Variants in COL5A3 observed in about 807,000 individuals in gnomAD.
The protein encoded by COL5A3 is collagen type V alpha 3 chain.
A neutral mutation model predicts 250.0 loss-of-function variants in COL5A3; 172 were observed. The ratio of observed to expected loss-of-function variants is 0.69; its 90% CI spans 0.61 to 0.78. The LOEUF is 0.78. COL5A3 is among the 30% of genes least tolerant of loss of function. COL5A3 has a pLI of 0.00. For synonymous variants in COL5A3, 937 were observed against 900.4 expected, an observed-to-expected ratio of 1.04 and a Z score of -0.73; for missense variants, 2,340 against 2,334.4, an observed-to-expected ratio of 1.00 and a Z score of -0.05.
Position 9,960,764 on chromosome 19 carries a change from C to T in COL5A3, c.4978G>A (p.Glu1660Lys). 35 of 1,614,024 alleles carry T rather than the reference C, an allele frequency of 2.2e-5. No homozygotes were observed. Among genetic ancestry groups the T allele is most frequent in the Non-Finnish European group, 2.9e-5 (34 of 1,180,028 alleles). The change falls in exon 66 of 67, where the codon GAA becomes AAA. Residue 1660 changes from glutamate (E) to lysine (K), a missense_variant. By Grantham distance (56) the Glu-to-Lys change is moderately conservative. Coordinates refer to ENST00000264828, the MANE Select transcript of COL5A3 (RefSeq NM_015719.4). ...SCQNAAAWLD[E>K]ATGDYSHSAR... ...GAGTGGCTGTAGTCACCCGTGGCTT[C>T]GTCCAGCCAGGCAGCTGCATTCTGG...
At position 10,003,473 on chromosome 19, in the gene COL5A3, A is replaced by G. The variant is rs183137836; in HGVS notation, c.849+92T>C. The G allele has an allele frequency of 1.3e-4, 167 of 1,258,562 alleles. 1 individual carries two copies. In the African/African-American group the frequency reaches 2.1e-3, roughly 16 times the overall value. 78.0% of individuals were successfully genotyped at this position (1,258,562 alleles called of 1,614,324 possible). ...GACCAGAGATTAGTAGAGATGGGAG[A>G]CTAGAAGTCAAGCACCAAGACCAGA... On this transcript the variant is annotated intron_variant, in intron 6 of 66. Coordinates refer to ENST00000264828, the MANE Select transcript of COL5A3 (RefSeq NM_015719.4).
In COL5A3 at chr19:9,968,093, A is replaced by G. The variant is rs147777886; in HGVS notation, c.4315-14T>C. On this transcript the variant is annotated splice_polypyrimidine_tract_variant and intron_variant, in intron 59 of 66. Transcript: ENST00000264828. This position sits in a 1 kb window ranked among gnomAD's most constrained non-coding sequence, Gnocchi z 4.1. ...ACCAGGGGGACCCTAGGAAAAGGAC[A>G]TCGGGTCAGTATTGGTGGGGTACAC... The G allele has an allele frequency of 3.1e-6, 5 of 1,587,634 alleles. No homozygotes were observed. In the South Asian group the frequency reaches 4.6e-5, roughly 15 times the overall value.
intron 8 of COL5A3, among the ~76,000 whole-genome samples, chr19:9,999,028 C>T (rs879390136): frequency 0.14 from 17,806 of 131,472 alleles, 1,133 homozygotes; most frequent in Middle Eastern, 0.17. Flanking sequence ...CTTTCTTTCT[C>T]TTTCTTTTTC....
rs2087502388 is a variant in COL5A3 at position 10,009,909 on chromosome 19, C to T, written c.88+389G>A. Among the ~76,000 whole-genome samples the T allele has an allele frequency of 1.3e-5, 2 of 152,266 alleles. No homozygotes were observed. The highest frequency in any genetic ancestry group is 2.9e-5 in the Non-Finnish European group (2 of 68,022). Reference sequence around the variant, plus strand: ...ACATAGACAAGAGCACAAGTGCATACTCACCTGTCGCAATACACACCGTCC... The same window carrying T: ...ACATAGACAAGAGCACAAGTGCATATTCACCTGTCGCAATACACACCGTCC... On this transcript the variant is annotated intron_variant, in intron 1 of 66. Coordinates refer to ENST00000264828, the MANE Select transcript of COL5A3 (RefSeq NM_015719.4). The surrounding 1 kb of genome is among the most constrained non-coding windows in gnomAD (Gnocchi z 4.4).
At chr19:9,960,972 A>G in intron 65 of COL5A3, 82 bp from the exon 66 acceptor site, 2 of 1,530,852 alleles carry the variant, frequency 1.3e-6, no homozygotes, top group East Asian at 4.5e-5. Context: ...ATCTCCATCC[A>G]CTGGCAGACA....
At chr19:10,002,700 C>T (rs2087382046) in intron 6 of COL5A3, among the ~76,000 whole-genome samples, 1 of 152,148 alleles carries the variant, frequency 6.6e-6, no homozygotes, top group Non-Finnish European at 1.5e-5. Flanking sequence ...AATTATTCCT[C>T]TAACCAGTGA....
At chr19:9,998,792 C>A (rs966271821) in intron 8 of COL5A3, among the ~76,000 whole-genome samples, 1 of 151,758 alleles carries the variant, frequency 6.6e-6, no homozygotes, top group African/African-American at 2.4e-5. Context: ...TCTAGCGATT[C>A]TCCTGCCTCA....
chr19:9,962,980 G>A (rs910477718), intron 64 of COL5A3, 93 bp from the exon 65 acceptor site: 2 of 923,120 alleles, frequency 2.2e-6, no homozygotes, highest in Admixed American at 2.1e-5. Context: ...AGGCTGTTGT[G>A]ACTATGTCAG....
Position 9,986,608 on chromosome 19 carries a change from T to C in COL5A3, c.2191-2A>G. 1 of 1,613,748 alleles carries C rather than the reference T, an allele frequency of 6.2e-7. No homozygotes were observed. Among genetic ancestry groups the C allele is most frequent in the Non-Finnish European group, 8.5e-7 (1 of 1,179,888 alleles). On this transcript the variant is annotated splice_acceptor_variant, in intron 28 of 66. Coordinates refer to ENST00000264828, the MANE Select transcript of COL5A3 (RefSeq NM_015719.4). LOFTEE classifies it high-confidence loss of function. ...GAAGCCTGGGAAGCCGTCCTCTCCC[T>C]GGGTGGGAGAGACAGAGGCCAGAAG...
intron 16 of COL5A3, 55 bp downstream of exon 16, chr19:9,995,509 T>A: frequency 6.7e-7 from 1 of 1,493,472 alleles, no homozygotes; most frequent in Non-Finnish European, 9.1e-7. Flanking sequence ...CCAAGGCTCA[T>A]GTTGGGTGTT....
At chr19:9,975,322 C>T (rs1455389724) in intron 45 of COL5A3, among the ~76,000 whole-genome samples, 1 of 152,086 alleles carries the variant, frequency 6.6e-6, no homozygotes, top group Non-Finnish European at 1.5e-5. Flanking sequence ...TCAGGTGATC[C>T]ACCCGCCTTG....
In COL5A3 at chr19:9,966,391, G is replaced by T. The variant is rs762254646; in HGVS notation, c.4705C>A (p.Arg1569=). 2.5e-6 allele frequency: 4 copies of T among 1,608,954 alleles called. No individual in the cohort carries two copies. The South Asian group carries it at 3.3e-5, about 13-fold the overall frequency. ...YWIDPNQGCA[R]DSFRVFCNFT... ...TTGCAAAAAACCCTGAACGAGTCCC[G>T]CGCGCAGCCCTGGTTGGGGTCAATC... is the stretch of plus-strand genomic sequence containing the variant. Residue 1569 remains arginine (R), a synonymous_variant, in exon 64 of 67, where the codon CGG becomes AGG. Coordinates refer to ENST00000264828, the MANE Select transcript of COL5A3 (RefSeq NM_015719.4).
At chr19:9,999,040 T>C (rs10406491) in intron 8 of COL5A3, among the ~76,000 whole-genome samples, 3 of 145,078 alleles carry the variant, frequency 2.1e-5, no homozygotes, top group African/African-American at 2.8e-5. Context: ...TTCTTTTTCT[T>C]TCTCTTTCTT....
chr19:9,969,372 G>A lies in COL5A3; in HGVS notation c.4129C>T (p.Gln1377Ter). 6.2e-7 allele frequency: 1 copy of A among 1,607,460 alleles called. No homozygotes were observed. Among genetic ancestry groups the A allele is most frequent in the East Asian group, 2.2e-5 (1 of 44,790 alleles). Residue 1377 changes from glutamine (Q) to a stop codon, truncating the protein, a stop_gained, in exon 57 of 67, where the codon CAG becomes TAG. Coordinates refer to ENST00000264828, the MANE Select transcript of COL5A3 (RefSeq NM_015719.4). LOFTEE classifies it high-confidence loss of function. The stretch of plus-strand genomic sequence containing the variant: ...ACCAGGGGGCCAGGAGGGCCCATCT[G>A]TCCAGGGGCTCCCAGGAGGCCTGGT... ...GEPGLLGAPGQMGPPGPLGPS... is the reference protein window; with the variant it reads ...GEPGLLGAPG
rs756727838 is a variant in COL5A3, at chr19:9,979,159, A to G, written c.2847T>C (p.Pro949=). 4.4e-6 allele frequency: 7 copies of G among 1,596,992 alleles called. 2 individuals are homozygous for G. In the South Asian group the frequency reaches 7.9e-5, roughly 18 times the overall value. ...TGGCCCCCTCTCTGCCTTCCAGGCC[A>G]GGAAGACCTTGTTCACCAGGAGGTC... ...PPGPPGEQGL[P]GLEGREGAKG... Residue 949 remains proline (P), a synonymous_variant, in exon 39 of 67, where the codon CCT becomes CCC. Transcript: ENST00000264828.
Position 9,986,345 on chromosome 19 carries a change from C to G in COL5A3, c.2322G>C (p.Glu774Asp). 4.4e-6 allele frequency: 7 copies of G among 1,589,682 alleles called. No homozygotes were observed. Among genetic ancestry groups the G allele is most frequent in the Non-Finnish European group, 6.0e-6 (7 of 1,173,736 alleles). Residue 774 changes from glutamate to aspartate, a missense_variant, in exon 30 of 67, where the codon GAG (glutamate) becomes GAC (aspartate). By Grantham distance (45) the Glu-to-Asp change is conservative. Transcript: ENST00000264828. Reference protein sequence around the residue: ...GPKGQAGQAGEEGPPGSAGEK... With the variant: ...GPKGQAGQAGDEGPPGSAGEK... Reference sequence around the variant, plus strand: ...CCCCAGCTGAGCCTGGGGGCCCCTCCTCGCCAGCCTGCCCCGCCTGCCCCT... The same window carrying G: ...CCCCAGCTGAGCCTGGGGGCCCCTCGTCGCCAGCCTGCCCCGCCTGCCCCT...
At chr19:9,977,775 G>A (rs1447688668) in intron 41 of COL5A3, 74 bp from the exon 42 acceptor site, 5 of 1,215,010 alleles carry the variant, frequency 4.1e-6, no homozygotes, top group Non-Finnish European at 5.5e-6. Context: ...TAAGCCACCA[G>A]GCACTGAGTT....
chr19:9,968,926 C>G lies in COL5A3; in HGVS notation c.4153-198G>C. The stretch of plus-strand genomic sequence containing the variant: ...GAGGGGTTGACTGGAGGATGGACAA[C>G]GTGAGTGGTCAGTGGCCAAGGTCAG... On this transcript the variant is annotated intron_variant, in intron 57 of 66. Coordinates refer to ENST00000264828, the MANE Select transcript of COL5A3 (RefSeq NM_015719.4). This position sits in a 1 kb window ranked among gnomAD's most constrained non-coding sequence, Gnocchi z 4.1. 1 of 638,136 alleles carries G rather than the reference C, an allele frequency of 1.6e-6. No homozygotes were observed. Among genetic ancestry groups the G allele is most frequent in the Admixed American group, 3.0e-5 (1 of 33,884 alleles). 39.5% of individuals were successfully genotyped at this position (638,136 alleles called of 1,614,324 possible).
Position 9,997,351 on chromosome 19 carries a change from C to A in COL5A3, c.1263+20G>T. 6.3e-7 allele frequency: 1 copy of A among 1,592,250 alleles called. No individual in the cohort carries two copies. Among genetic ancestry groups the A allele is most frequent in the South Asian group, 1.1e-5 (1 of 88,624 alleles). On this transcript the variant is annotated intron_variant, in intron 11 of 66. Transcript: ENST00000264828. ...ACCTCACTCCTCTGAGAAGTGTACA[C>A]CCCAGTGGGAGTCTCTTACCGGTGG... is the stretch of plus-strand genomic sequence containing the variant.
Sources: allele counts gnomAD v4.1 joint callset (sites outside exome capture counted in the v4.1 genomes callset), GRCh38; gene constraint gnomAD v4.1.1; non-coding constraint Gnocchi (gnomAD v3.1); transcripts MANE v1.5; gene names NCBI Gene and HGNC (gene_info 2026-07-23, HGNC 2026-07-21).